Variants in PRKN observed in about 807,000 individuals in gnomAD.
PRKN encodes the protein parkin RBR E3 ubiquitin protein ligase, also known as E3 ubiquitin-protein ligase parkin.
A neutral mutation model predicts 59.5 loss-of-function variants in PRKN; 56 were observed. That is an observed-to-expected ratio of 0.94 (90% CI 0.76 to 1.18). PRKN has a LOEUF of 1.18. PRKN is among the 50% of genes most tolerant of loss of function. The pLI, the probability that PRKN is intolerant of heterozygous loss-of-function variation, is 0.00. For synonymous variants in PRKN, 250 were observed against 222.1 expected (o/e 1.13, Z -1.12); for missense variants, 657 against 596.4 (o/e 1.10, Z -1.06).
intron 4 of PRKN, among the ~76,000 whole-genome samples, chr6:162,121,447 G>T (rs9355981): frequency 6.6e-6 from 1 of 151,916 alleles, no homozygotes; most frequent in South Asian, 2.1e-4. Flanking sequence ...GTACTTGATG[G>T]GCCTCCTTGG....
At chr6:162,665,560 T>C (rs2510207) in intron 1 of PRKN, among the ~76,000 whole-genome samples, 125,574 of 152,042 alleles carry the variant, frequency 0.83, 52,126 homozygotes, top group East Asian at 0.98. Context: ...AAAAATATTC[T>C]ACCCTCATGG....
At chr6:162,633,777 G>T (rs1354645418) in intron 1 of PRKN, among the ~76,000 whole-genome samples, 1 of 152,060 alleles carries the variant, frequency 6.6e-6, no homozygotes, top group African/African-American at 2.4e-5. Flanking sequence ...GTGATGTGAG[G>T]GATGGCAGGA....
At position 161,402,795 on chromosome 6, in the gene PRKN, G is replaced by T. The variant is rs1258182251; in HGVS notation, c.1084-15918C>A. Among the ~76,000 whole-genome samples the T allele has an allele frequency of 6.6e-6, 1 of 152,002 alleles. No homozygotes were observed. Among genetic ancestry groups the T allele is most frequent in the African/African-American group, 2.4e-5 (1 of 41,382 alleles). The stretch of plus-strand genomic sequence containing the variant: ...GGAGAGGAATTGTATGGTGAATAAA[G>T]GTTGTCTTATTATGTAGATAAACAA... On this transcript the variant is annotated intron_variant, in intron 9 of 11. Coordinates refer to ENST00000366898, the MANE Select transcript of PRKN (RefSeq NM_004562.3). The surrounding 1 kb of genome is among the most constrained non-coding windows in gnomAD (Gnocchi z 4.5).
At chr6:161,618,605 A>G (rs1460183927) in intron 7 of PRKN, among the ~76,000 whole-genome samples, 1 of 152,198 alleles carries the variant, frequency 6.6e-6, no homozygotes, top group African/African-American at 2.4e-5. Flanking sequence ...TTCAAATTCT[A>G]TTGCACTGCC....
intron 4 of PRKN, among the ~76,000 whole-genome samples, chr6:162,057,525 G>A (rs1777914904): frequency 6.6e-6 from 1 of 152,168 alleles, no homozygotes; most frequent in Non-Finnish European, 1.5e-5. Context: ...TAAAAGAGAG[G>A]AAAAGAAATG....
intron 3 of PRKN, among the ~76,000 whole-genome samples, chr6:162,205,675 C>T (rs1348656398): frequency 6.6e-6 from 1 of 152,022 alleles, no homozygotes; most frequent in African/African-American, 2.4e-5. Flanking sequence ...AACAATGTCA[C>T]CCAAGAGAAC....
chr6:162,684,778 G>A (rs1382398310), intron 1 of PRKN, among the ~76,000 whole-genome samples: 1 of 151,954 alleles, frequency 6.6e-6, no homozygotes, highest in Non-Finnish European at 1.5e-5. Flanking sequence ...AAATGATTAT[G>A]ATTAAAAAAC....
intron 10 of PRKN, among the ~76,000 whole-genome samples, chr6:161,383,093 A>C (rs1405629278): frequency 6.6e-6 from 1 of 152,232 alleles, no homozygotes; most frequent in Non-Finnish European, 1.5e-5. Flanking sequence ...GGAGGCTGCA[A>C]TTGGGCTTTC....
chr6:162,599,247 A>G (rs544475623), intron 1 of PRKN, among the ~76,000 whole-genome samples: 14 of 152,236 alleles, frequency 9.2e-5, no homozygotes, highest in Non-Finnish European at 2.1e-4. Flanking sequence ...ACAAAATAAG[A>G]GCTAACCCAG....
rs1242030157 is a variant in PRKN at position 161,902,564 on chromosome 6, A to ATCTATTTTTTTTTTTT, written c.734+70737_734+70738insAAAAAAAAAAAATAGA. On this transcript the variant is annotated intron_variant, in intron 6 of 11. Coordinates refer to ENST00000366898, the MANE Select transcript of PRKN (RefSeq NM_004562.3). ...TATCTATCTATTTATTTATTTATTTATTTTTTTTTTTTTGCGACAGAGTCT... is the reference window on the plus strand; with the variant it reads ...TATCTATCTATTTATTTATTTATTTATCTATTTTTTTTTTTTTTTTTTTTTTTTTGCGACAGAGTCT... Among the ~76,000 whole-genome samples the ATCTATTTTTTTTTTTT allele has an allele frequency of 6.1e-3, 682 of 111,946 alleles. 14 individuals are homozygous for ATCTATTTTTTTTTTTT. The highest frequency in any genetic ancestry group is 0.01 in the Middle Eastern group (2 of 198). 73.4% of individuals were successfully genotyped at this position (111,946 alleles called of 152,430 possible).
intron 1 of PRKN, among the ~76,000 whole-genome samples, chr6:162,590,531 C>T (rs531116710): frequency 1.3e-4 from 20 of 152,128 alleles, no homozygotes; most frequent in Non-Finnish European, 1.8e-4. Context: ...ATTGATCTTG[C>T]GGCTTTCTTG....
chr6:161,957,791 C>A (rs1780238043), intron 6 of PRKN, among the ~76,000 whole-genome samples: 1 of 152,112 alleles, frequency 6.6e-6, no homozygotes, highest in African/African-American at 2.4e-5. Context: ...TCGCTAGACA[C>A]CACTCCAGAC....
rs568656624 is a variant in PRKN at position 162,073,527 on chromosome 6, C to T, written c.535-19353G>A. On this transcript the variant is annotated intron_variant, in intron 4 of 11. Coordinates refer to ENST00000366898, the MANE Select transcript of PRKN (RefSeq NM_004562.3). Reference sequence around the variant, plus strand: ...GAGTGCAGTGGCACGATATGGCTCACTGCAGCCAAAACCTCCTGGGCTCAA... The same window carrying T: ...GAGTGCAGTGGCACGATATGGCTCATTGCAGCCAAAACCTCCTGGGCTCAA... Among the ~76,000 whole-genome samples, 537 of 152,310 alleles carry T rather than the reference C, an allele frequency of 3.5e-3. 3 individuals carry two copies. The highest frequency in any genetic ancestry group is 5.6e-3 in the Non-Finnish European group (383 of 68,030).
chr6:161,533,616 C>T lies in PRKN; in HGVS notation c.1083+15238G>A, dbSNP rs1779302435. ...CTTCGCGTGCTAAGTAAACGTCACA[C>T]CTGGTCAAACCAATCTGTGAGCCCT... On this transcript the variant is annotated intron_variant, in intron 9 of 11. Transcript: ENST00000366898. The surrounding 1 kb of genome is among the most constrained non-coding windows in gnomAD (Gnocchi z 4.1). 6.6e-6 allele frequency among the ~76,000 whole-genome samples: 1 copy of T among 152,174 alleles called. No homozygotes were observed. Among genetic ancestry groups the T allele is most frequent in the African/African-American group, 2.4e-5 (1 of 41,446 alleles).
chr6:162,385,394 C>T (rs1213133994), intron 2 of PRKN, among the ~76,000 whole-genome samples: 1 of 152,108 alleles, frequency 6.6e-6, no homozygotes, highest in East Asian at 1.9e-4. Context: ...TAAATGTCAC[C>T]ACACAAAAAC....
chr6:161,645,903 G>A (rs1393755342), intron 7 of PRKN, among the ~76,000 whole-genome samples: 1 of 151,546 alleles, frequency 6.6e-6, no homozygotes, highest in African/African-American at 2.4e-5. Context: ...GGCGGAGGAG[G>A]CGGCGTATCA....
chr6:161,783,347 T>C (rs547701460), intron 7 of PRKN, among the ~76,000 whole-genome samples: 2 of 152,182 alleles, frequency 1.3e-5, no homozygotes, highest in South Asian at 4.2e-4. Context: ...ACAATGAGCA[T>C]TCCAAGCACC....
intron 2 of PRKN, among the ~76,000 whole-genome samples, chr6:162,335,284 TGCCTGCCTCG>T (rs1453196195): frequency 3.3e-5 from 5 of 152,042 alleles, no homozygotes; most frequent in African/African-American, 1.2e-4. Flanking sequence ...TCAGGTGATC[TGCCTGCCTCG>T]GCCTCCCAAA....
intron 7 of PRKN, among the ~76,000 whole-genome samples, chr6:161,754,888 A>T (rs6922016): frequency 6.6e-6 from 1 of 152,024 alleles, no homozygotes; most frequent in African/African-American, 2.4e-5. Context: ...GACACTTAGG[A>T]AAGCACAAAC....
Sources: allele counts gnomAD v4.1 joint callset (sites outside exome capture counted in the v4.1 genomes callset), GRCh38; gene constraint gnomAD v4.1.1; non-coding constraint Gnocchi (gnomAD v3.1); transcripts MANE v1.5; gene names NCBI Gene and HGNC (gene_info 2026-07-23, HGNC 2026-07-21).